Variants in ADGRB3 observed in about 807,000 individuals in gnomAD.
The protein encoded by ADGRB3 is brain-specific angiogenesis inhibitor 3.
In ADGRB3, 37 loss-of-function variants were observed where a neutral mutation model predicts 193.4. The ratio of observed to expected loss-of-function variants is 0.19; its 90% CI spans 0.15 to 0.25. The LOEUF is 0.25. Ranked by LOEUF, ADGRB3 falls within the 10% of genes least tolerant of loss-of-function variation. ADGRB3 has a pLI of 1.00. For missense variants in ADGRB3, 1,637 were observed against 1,852.9 expected (o/e 0.88, Z 2.14); for synonymous variants, 690 against 644.2 (o/e 1.07, Z -1.08).
At chr6:68,779,261 T>TGTAA (rs386359099) in intron 3 of ADGRB3, among the ~76,000 whole-genome samples, 1 of 149,770 alleles carries the variant, frequency 6.7e-6, no homozygotes. Flanking sequence ...TGTGTGTGTG[T>TGTAA]AACAGAGAAG....
At chr6:68,974,611 G>A (rs1212122816) in intron 8 of ADGRB3, 152 bp from the exon 9 acceptor site, 4 of 576,360 alleles carry the variant, frequency 6.9e-6, no homozygotes, top group African/African-American at 1.9e-5. Flanking sequence ...CTCCAGCCTG[G>A]GCAACAGAGT....
At position 68,851,269 on chromosome 6, in the gene ADGRB3, C is replaced by G. The variant is rs977773676; in HGVS notation, c.758-79290C>G. Among the ~76,000 whole-genome samples the G allele has an allele frequency of 9.2e-5, 14 of 151,950 alleles. No individual in the cohort carries two copies. In the East Asian group the frequency reaches 2.1e-3, roughly 23 times the overall value. On this transcript the variant is annotated intron_variant, in intron 3 of 31. Coordinates refer to ENST00000370598, the MANE Select transcript of ADGRB3 (RefSeq NM_001704.3). ...TCTCTCTCTCTTTCTCTCTGTTTCT[C>G]TGCCTCTCTAGCTGTCTTTCTCTCT...
chr6:69,299,199 T>G (rs1767899730), intron 20 of ADGRB3, among the ~76,000 whole-genome samples: 1 of 151,974 alleles, frequency 6.6e-6, no homozygotes, highest in Admixed American at 6.6e-5. Flanking sequence ...AAATGTCTAT[T>G]CACATCTTTT....
intron 17 of ADGRB3, among the ~76,000 whole-genome samples, chr6:69,141,526 TAG>T (rs80124167): frequency 0.76 from 115,678 of 151,492 alleles, 45,639 homozygotes; most frequent in East Asian, 1. Context: ...TACAGTTATC[TAG>T]AGAGAGAAAG....
intron 28 of ADGRB3, among the ~76,000 whole-genome samples, chr6:69,357,140 G>A (rs934264569): frequency 2.6e-5 from 4 of 151,940 alleles, no homozygotes; most frequent in Admixed American, 6.6e-5. Flanking sequence ...GGTAGCCTCC[G>A]ATTTATCAAT....
rs775555129 is a variant in ADGRB3, at chr6:69,330,561, G to A, written c.3091G>A (p.Ala1031Thr). Reference sequence around the variant, plus strand: ...CTATGCTTTTGTGGGACCTGCAGCCGCTGTTGTCCTGGTAAACATCAAAAT... The same window carrying A: ...CTATGCTTTTGTGGGACCTGCAGCCACTGTTGTCCTGGTAAACATCAAAAT... ...LLYAFVGPAA[A>T]VVLVNMVIGI... Residue 1031 changes from alanine to threonine, a missense_variant, in exon 23 of 32, where the codon GCT (alanine) becomes ACT (threonine). Physicochemically the swap from Ala to Thr is moderately conservative, Grantham distance 58 (BLOSUM62 0). This residue lies in a region of ADGRB3 where 87 missense variants were observed against 161.0 expected (regional missense o/e 0.54). Transcript: ENST00000370598. The A allele has an allele frequency of 5.0e-5, 81 of 1,606,084 alleles. 1 individual carries two copies. The highest frequency in any genetic ancestry group is 4.9e-4 in the Admixed American group (29 of 59,524).
chr6:68,853,457 T>G (rs541656948), intron 3 of ADGRB3, among the ~76,000 whole-genome samples: 2 of 152,054 alleles, frequency 1.3e-5, no homozygotes, highest in Non-Finnish European at 2.9e-5. Context: ...GCTGTCTAGG[T>G]AAAAACAGGT....
intron 23 of ADGRB3, chr6:69,332,065 A>G: frequency 1.0e-6 from 1 of 985,400 alleles, no homozygotes; most frequent in East Asian, 1.1e-4. Flanking sequence ...AAGAGGCCAG[A>G]AAGGCAAAAA....
chr6:69,249,347 T>C (rs911887625), intron 20 of ADGRB3, among the ~76,000 whole-genome samples: 6 of 152,132 alleles, frequency 3.9e-5, no homozygotes, highest in Non-Finnish European at 8.8e-5. Context: ...TGGTTACCAG[T>C]GTATAAAACT....
At chr6:69,324,755 G>A (rs1418526619) in intron 20 of ADGRB3, 117 bp from the exon 21 acceptor site, 1 of 1,136,850 alleles carries the variant, frequency 8.8e-7, no homozygotes, top group East Asian at 2.5e-5. Context: ...TGTCACTGAG[G>A]AGAAGTAGAT....
chr6:68,835,345 G>A (rs771960839), intron 3 of ADGRB3, among the ~76,000 whole-genome samples: 11 of 152,186 alleles, frequency 7.2e-5, no homozygotes, highest in East Asian at 3.9e-4. Flanking sequence ...GTAGTTGATC[G>A]TCTTCTTTTT....
chr6:68,700,761 A>T (rs1765229545), intron 3 of ADGRB3, among the ~76,000 whole-genome samples: 1 of 147,468 alleles, frequency 6.8e-6, no homozygotes, highest in Non-Finnish European at 1.5e-5. Context: ...CACAGGTGGG[A>T]ATTGAACAAT....
chr6:69,133,813 G>A (rs1774078177), intron 17 of ADGRB3, among the ~76,000 whole-genome samples: 1 of 151,816 alleles, frequency 6.6e-6, no homozygotes, highest in Admixed American at 6.6e-5. Context: ...TACCCAATAT[G>A]TGGTCTTTTA....
chr6:68,930,843 C>A (rs1261986797), intron 4 of ADGRB3, among the ~76,000 whole-genome samples, 174 bp downstream of exon 4: 3 of 151,970 alleles, frequency 2.0e-5, no homozygotes, highest in Admixed American at 2.0e-4. Flanking sequence ...TTGAAAAGTG[C>A]ACAAAAATTA....
intron 3 of ADGRB3, among the ~76,000 whole-genome samples, chr6:68,836,119 C>G (rs1768039821): frequency 1.3e-5 from 2 of 152,098 alleles, no homozygotes; most frequent in Non-Finnish European, 2.9e-5. Flanking sequence ...TTTTGCTCTT[C>G]CATGTGGCAA....
At chr6:69,118,907 A>G (rs193042731) in intron 17 of ADGRB3, among the ~76,000 whole-genome samples, 1 of 152,132 alleles carries the variant, frequency 6.6e-6, no homozygotes, top group Non-Finnish European at 1.5e-5. Context: ...AATATTCTAA[A>G]TTTTTCCTCT....
intron 20 of ADGRB3, among the ~76,000 whole-genome samples, chr6:69,241,763 T>C (rs1294141411): frequency 6.6e-6 from 1 of 151,990 alleles, no homozygotes; most frequent in Non-Finnish European, 1.5e-5. Context: ...AGCTTCTATG[T>C]AGTTTTGCAA....
chr6:68,650,265 T>G (rs1768331129), intron 3 of ADGRB3, among the ~76,000 whole-genome samples: 1 of 152,194 alleles, frequency 6.6e-6, no homozygotes, highest in Non-Finnish European at 1.5e-5. Flanking sequence ...AATTAAAATA[T>G]CAATATGTGT....
intron 13 of ADGRB3, among the ~76,000 whole-genome samples, chr6:69,043,631 G>A (rs528510637): frequency 3.3e-5 from 5 of 152,262 alleles, no homozygotes; most frequent in African/African-American, 1.2e-4. Context: ...ACAGTGACAT[G>A]GGACCATTCA....
Sources: gnomAD v4.1 joint callset for allele counts (sites outside exome capture counted in the v4.1 genomes callset) on GRCh38, gnomAD v4.1.1 for gene constraint, gnomAD v4.1.1 regional missense constraint, MANE v1.5 for transcripts, NCBI Gene and HGNC (gene_info 2026-07-23, HGNC 2026-07-21) for gene names.